Variants in ESRRG observed in about 807,000 individuals in gnomAD.
ESRRG encodes estrogen related receptor gamma.
ESRRG carries 13 observed loss-of-function variants against 44.0 expected under a neutral mutation model. That is an observed-to-expected ratio of 0.30 (90% confidence interval 0.19 to 0.47). ESRRG has a LOEUF of 0.47. Ranked by LOEUF, ESRRG falls within the 20% of genes least tolerant of loss-of-function variation. The probability of loss-of-function intolerance (pLI) is 1.00; values close to 1 mark genes in which losing one functional copy is unlikely to be tolerated. For missense variants in ESRRG, 395 were observed against 580.6 expected, an observed-to-expected ratio of 0.68 and a Z score of 3.29; for synonymous variants, 215 against 214.6, an observed-to-expected ratio of 1.00 and a Z score of -0.02.
In ESRRG at chr1:217,105,213, A is replaced by T. The variant is rs574666384; in HGVS notation, c.-230+32454T>A. 2.6e-5 allele frequency among the ~76,000 whole-genome samples: 4 copies of T among 152,018 alleles called. No homozygotes were observed. The East Asian group carries it at 7.7e-4, about 29-fold the overall frequency. The stretch of plus-strand genomic sequence containing the variant: ...CTGGTATCCTAACTTCAATAACTAA[A>T]CTCCTTACTTCTGTATCAAATCCCC... On this transcript the variant is annotated intron_variant, in intron 1 of 8. Transcript: ENST00000366940.
chr1:216,871,983 A>G (rs1238753254), intron 2 of ESRRG, among the ~76,000 whole-genome samples: 1 of 152,064 alleles, frequency 6.6e-6, no homozygotes, highest in Non-Finnish European at 1.5e-5. Flanking sequence ...AAATTATCTT[A>G]GAGCTGACTT....
At chr1:216,815,554 C>T (rs2095106855) in intron 2 of ESRRG, among the ~76,000 whole-genome samples, 1 of 152,202 alleles carries the variant, frequency 6.6e-6, no homozygotes, top group Non-Finnish European at 1.5e-5. Flanking sequence ...CTCTGTGCCA[C>T]CTGCCCTGGG....
intron 2 of ESRRG, among the ~76,000 whole-genome samples, chr1:216,934,898 T>C (rs748591955): frequency 2.0e-4 from 30 of 152,198 alleles, no homozygotes; most frequent in Non-Finnish European, 3.7e-4. Context: ...AGAACCACTA[T>C]TTTATACATT....
intron 2 of ESRRG, among the ~76,000 whole-genome samples, chr1:216,767,789 C>T (rs755595931): frequency 2.8e-4 from 42 of 152,078 alleles, no homozygotes; most frequent in East Asian, 3.9e-4. Context: ...GCTCCCAGGA[C>T]GAGATGTGGG....
At chr1:216,812,714 C>G (rs2095014613) in intron 2 of ESRRG, among the ~76,000 whole-genome samples, 1 of 152,134 alleles carries the variant, frequency 6.6e-6, no homozygotes, top group Admixed American at 6.6e-5. Flanking sequence ...CCTGTTTTCT[C>G]CATGACCTTG....
At position 216,740,098 on chromosome 1, in the gene ESRRG, T is replaced by C. The variant is rs556422920; in HGVS notation, c.-13-62607A>G. 9.8e-5 allele frequency among the ~76,000 whole-genome samples: 15 copies of C among 152,320 alleles called. No homozygotes were observed. The South Asian group carries it at 3.1e-3, about 32-fold the overall frequency. On this transcript the variant is annotated intron_variant, in intron 2 of 7. Transcript: ENST00000359162. The stretch of plus-strand genomic sequence containing the variant: ...TTCTATGCTTAATAGCCCCGACCTG[T>C]GCAATATTTTTTATCTGGCTACAGT...
chr1:217,029,880 G>A (rs1026790252), intron 1 of ESRRG, among the ~76,000 whole-genome samples: 2 of 152,194 alleles, frequency 1.3e-5, no homozygotes, highest in South Asian at 2.1e-4. Flanking sequence ...GCGGGTTTGA[G>A]GTTACTTATA....
At position 216,884,581 on chromosome 1, in the gene ESRRG, C is replaced by T. The variant is rs139143668; in HGVS notation, c.-14+55001G>A. On this transcript the variant is annotated intron_variant, in intron 2 of 7. Transcript: ENST00000359162. ...GGCCTTCAAAACTTCTCATTAGCTG[C>T]TAAAATCTTTGCTTTGGGCATTCTT... 3.5e-4 allele frequency among the ~76,000 whole-genome samples: 54 copies of T among 152,288 alleles called. No homozygotes were observed. In the East Asian group the frequency reaches 9.3e-3, roughly 26 times the overall value.
At chr1:216,857,413 G>A (rs2095966985) in intron 2 of ESRRG, among the ~76,000 whole-genome samples, 1 of 150,756 alleles carries the variant, frequency 6.6e-6, no homozygotes, top group Non-Finnish European at 1.5e-5. Flanking sequence ...GCTGATTTAT[G>A]CATCTCTGCT....
intron 2 of ESRRG, among the ~76,000 whole-genome samples, chr1:216,771,932 C>A (rs1206393203): frequency 6.8e-6 from 1 of 147,592 alleles, no homozygotes; most frequent in Admixed American, 7.0e-5. Context: ...GGCCTGAGTT[C>A]TGATCCTAGC....
At chr1:216,642,746 T>C (rs909594099) in intron 3 of ESRRG, among the ~76,000 whole-genome samples, 2 of 152,152 alleles carry the variant, frequency 1.3e-5, no homozygotes, top group African/African-American at 4.8e-5. Context: ...CAAATTTCCC[T>C]ACCAATAATT....
At chr1:217,019,402 T>C (rs2079945328) in intron 1 of ESRRG, among the ~76,000 whole-genome samples, 1 of 152,182 alleles carries the variant, frequency 6.6e-6, no homozygotes, top group African/African-American at 2.4e-5. Context: ...AGTTACTTCA[T>C]GTGTTGGTGA....
At chr1:216,646,604 T>C (rs2067637183) in intron 3 of ESRRG, among the ~76,000 whole-genome samples, 2 of 152,194 alleles carry the variant, frequency 1.3e-5, no homozygotes, top group Non-Finnish European at 2.9e-5. Context: ...GTAGCTAATG[T>C]TGACCTCTTC....
intron 2 of ESRRG, among the ~76,000 whole-genome samples, chr1:216,659,817 T>C (rs2071775466): frequency 6.6e-6 from 1 of 152,282 alleles, no homozygotes; most frequent in Non-Finnish European, 1.5e-5. Flanking sequence ...ATTATATGTA[T>C]CTGTGGAATT....
intron 5 of ESRRG, among the ~76,000 whole-genome samples, chr1:216,541,228 T>C (rs918695163): frequency 6.6e-6 from 1 of 152,048 alleles, no homozygotes; most frequent in Non-Finnish European, 1.5e-5. Flanking sequence ...CTGATTATGA[T>C]CTTTTTCATG....
intron 5 of ESRRG, among the ~76,000 whole-genome samples, chr1:216,546,224 T>C (rs1429389459): frequency 6.6e-6 from 1 of 152,080 alleles, no homozygotes; most frequent in African/African-American, 2.4e-5. Context: ...TACCAAATGT[T>C]CCCTGTGAGG....
chr1:217,110,563 T>G (rs2092650235), intron 1 of ESRRG, among the ~76,000 whole-genome samples: 1 of 152,138 alleles, frequency 6.6e-6, no homozygotes, highest in African/African-American at 2.4e-5. Context: ...AGGGAAGCCT[T>G]AAGAAGCTTA....
At chr1:216,658,667 A>T (rs1180159283) in intron 2 of ESRRG, among the ~76,000 whole-genome samples, 1 of 3,970 alleles carries the variant, frequency 2.5e-4, no homozygotes, top group African/African-American at 5.7e-4. Context: ...CTAAAAATAC[A>T]AAAAAAAAAA....
At chr1:216,873,808 C>T (rs933914868) in intron 2 of ESRRG, among the ~76,000 whole-genome samples, 1 of 147,188 alleles carries the variant, frequency 6.8e-6, no homozygotes, top group Non-Finnish European at 1.5e-5. Context: ...GCACCTGTTG[C>T]CATCATTGTT....
Sources: gnomAD v4.1 joint callset for allele counts (sites outside exome capture counted in the v4.1 genomes callset) on GRCh38, gnomAD v4.1.1 for gene constraint, MANE v1.5 for transcripts, NCBI Gene and HGNC (gene_info 2026-07-23, HGNC 2026-07-21) for gene names.